CCDC154: variants seen among roughly 807,000 people sequenced by gnomAD.
CCDC154 encodes coiled-coil domain containing 154.
Under a neutral mutation model 87.5 loss-of-function variants are expected in CCDC154, and 91 were observed. That is an observed-to-expected ratio of 1.04 (90% CI 0.88 to 1.24). CCDC154 has a LOEUF of 1.24. CCDC154 is among the 50% of genes most tolerant of loss of function. The pLI, the probability that CCDC154 is intolerant of heterozygous loss-of-function variation, is 0.00. For missense variants in CCDC154, 903 were observed against 879.2 expected (o/e 1.03, Z -0.34); for synonymous variants, 418 against 400.4 (o/e 1.04, Z -0.52).
At chr16:1,439,187 C>T in intron 6 of CCDC154, 61 bp from the exon 7 acceptor site, 3 of 1,419,744 alleles carry the variant, frequency 2.1e-6, no homozygotes, top group Non-Finnish European at 2.9e-6. Flanking sequence ...CGGTCCCCCT[C>T]CTGCCCATGG....
At chr16:1,442,168 A>G (rs1020963056) in intron 6 of CCDC154, among the ~76,000 whole-genome samples, 2 of 152,002 alleles carry the variant, frequency 1.3e-5, no homozygotes, top group East Asian at 3.9e-4. Context: ...TGCCCGCCTC[A>G]GCCTCCCAAA....
chr16:1,438,453 C>T, intron 9 of CCDC154, 166 bp downstream of exon 9: 1 of 751,974 alleles, frequency 1.3e-6, no homozygotes, highest in Non-Finnish European at 2.1e-6. Flanking sequence ...GGAGGCCCCA[C>T]AGGAGGGAGG....
At chr16:1,435,054 A>T (rs1596202142) in intron 15 of CCDC154, 35 bp downstream of exon 15, 2 of 1,536,814 alleles carry the variant, frequency 1.3e-6, no homozygotes, top group East Asian at 4.9e-5. Context: ...AGCGGGTGGG[A>T]GCTGGGCGGT....
At position 1,436,379 on chromosome 16, in the gene CCDC154, G is replaced by C; in HGVS notation, c.1487+66C>G. ...CAGGGGATTGTGGAGAGTAGCGTGG[G>C]GACCGGCCCAGCCCAGTAACGGTCA... On this transcript the variant is annotated intron_variant, in intron 13 of 16. Coordinates refer to ENST00000389176, the MANE Select transcript of CCDC154 (RefSeq NM_001143980.3). 3 of 1,325,186 alleles carry C rather than the reference G, an allele frequency of 2.3e-6. No individual in the cohort carries two copies. The South Asian group carries it at 3.8e-5, about 17-fold the overall frequency. 82.1% of individuals were successfully genotyped at this position (1,325,186 alleles called of 1,614,324 possible). A position where few individuals can be genotyped will look rare whatever the true frequency, so the allele number is the denominator to read the frequency against.
intron 1 of CCDC154, 103 bp downstream of exon 1, chr16:1,444,213 G>T: frequency 8.3e-7 from 1 of 1,210,792 alleles, no homozygotes; most frequent in Non-Finnish European, 1.1e-6. Context: ...TGGGCGGCAG[G>T]AACAAGCGAG....
intron 1 of CCDC154, 42 bp from the exon 2 acceptor site, chr16:1,444,054 C>A (rs2038586621): frequency 2.4e-6 from 3 of 1,273,788 alleles, no homozygotes; most frequent in Middle Eastern, 4.3e-4. Context: ...TGGGGCCCGG[C>A]CCCCACTGGA....
At chr16:1,441,195 A>G (rs2038549260) in intron 6 of CCDC154, among the ~76,000 whole-genome samples, 1 of 152,196 alleles carries the variant, frequency 6.6e-6, no homozygotes, top group Non-Finnish European at 1.5e-5. Flanking sequence ...ACTCAGGGAA[A>G]GGCAGACGCC....
Position 1,439,042 on chromosome 16 carries a change from A to G in CCDC154, c.760T>C (p.Phe254Leu). 2 of 1,550,232 alleles carry G rather than the reference A, an allele frequency of 1.3e-6. No individual in the cohort carries two copies. Among genetic ancestry groups the G allele is most frequent in the Non-Finnish European group, 8.7e-7 (1 of 1,146,894 alleles). ...AKLCGFLQKS[F>L]LALEKRMKAS... ...GCTCCCACCTTCTCCAGGGCCAGGA[A>G]GCTCTTCTGCAGGAAGCCGCACAGC... is the stretch of plus-strand genomic sequence containing the variant. The change falls in exon 7 of 17, where the codon TTC becomes CTC. Residue 254 changes from phenylalanine (F) to leucine (L), a missense_variant. Physicochemically the swap from Phe to Leu is conservative, Grantham distance 22. Transcript: ENST00000389176.
intron 6 of CCDC154, 126 bp downstream of exon 6, chr16:1,442,280 T>G (rs1298520086): frequency 6.2e-6 from 7 of 1,125,868 alleles, no homozygotes; most frequent in Non-Finnish European, 8.6e-6. Context: ...TCTACAACTA[T>G]AGCTGATTTC....
chr16:1,438,772 C>T lies in CCDC154; in HGVS notation c.907-35G>A, dbSNP rs1036928502. Reference sequence around the variant, plus strand: ...GGTGGAGGCCGCCCTGAGACCTGCACCCCGGCCCCGGCCCCACCTGCCCGC... The same window carrying T: ...GGTGGAGGCCGCCCTGAGACCTGCATCCCGGCCCCGGCCCCACCTGCCCGC... On this transcript the variant is annotated intron_variant, in intron 8 of 16. Transcript: ENST00000389176. The T allele has an allele frequency of 5.2e-6, 8 of 1,542,728 alleles. No individual in the cohort carries two copies. The Admixed American group carries it at 9.9e-5, about 19-fold the overall frequency.
At chr16:1,440,500 G>GAAGAGAAGAGAAGAGAACAGAA (rs1567258639) in intron 6 of CCDC154, among the ~76,000 whole-genome samples, 4,605 of 146,886 alleles carry the variant, frequency 0.031, 108 homozygotes, top group African/African-American at 0.046. Flanking sequence ...ACAGAAAAGA[G>GAAGAGAAGAGAAGAGAACAGAA]AAGAGAAGAG....
At chr16:1,444,139 C>T (rs2038587776) in intron 1 of CCDC154, 127 bp from the exon 2 acceptor site, 2 of 999,926 alleles carry the variant, frequency 2.0e-6, no homozygotes, top group Admixed American at 2.7e-5. Flanking sequence ...CTCCTTGGGT[C>T]ACACAGGATC....
In CCDC154 at chr16:1,439,037, CAG is replaced by C. The variant is rs1477815276; in HGVS notation, c.763_764del (p.Leu255GlyfsTer47). The C allele has an allele frequency of 6.5e-7, 1 of 1,550,238 alleles. No individual in the cohort carries two copies. Among genetic ancestry groups the C allele is most frequent in the South Asian group, 1.2e-5 (1 of 84,058 alleles). ...KLCGFLQKSFLALEKRMKASE... is the reference protein window; with the variant it reads ...KLCGFLQKSFXALEKRMKASE... ...GGCAGGCTCCCACCTTCTCCAGGGC[CAG>C]GAAGCTCTTCTGCAGGAAGCCGCAC... On this transcript the variant is annotated frameshift_variant, in exon 7 of 17. Transcript: ENST00000389176. LOFTEE classifies it high-confidence loss of function.
In CCDC154 at chr16:1,442,523, G is replaced by C; in HGVS notation, c.558C>G (p.Ala186=). ...CCTGCTGCAGCAAGTCGGTCAGCTT[G>C]GCCAGTCTAGAGAAGTCGGCTGTGG... ...GAEQEAGLRL[A]KLTDLLQQEE... The change falls in exon 6 of 17, where the codon GCC becomes GCG. Residue 186 remains alanine, a synonymous_variant. Coordinates refer to ENST00000389176, the MANE Select transcript of CCDC154 (RefSeq NM_001143980.3). The C allele has an allele frequency of 1.3e-6, 2 of 1,544,006 alleles. No homozygotes were observed. The highest frequency in any genetic ancestry group is 1.7e-6 in the Non-Finnish European group (2 of 1,143,832).
intron 11 of CCDC154, 45 bp from the exon 12 acceptor site, chr16:1,436,856 G>T (rs1254423333): frequency 3.2e-6 from 5 of 1,547,178 alleles, no homozygotes; most frequent in Non-Finnish European, 4.4e-6. Flanking sequence ...AGAGAGGGGG[G>T]ACAGACAGAT....
chr16:1,437,223 C>A (rs549521382), intron 11 of CCDC154: 18 of 210,582 alleles, frequency 8.5e-5, no homozygotes, highest in African/African-American at 3.3e-4. Flanking sequence ...CACGAGGCCC[C>A]GAGGAGCGGG....
intron 15 of CCDC154, 100 bp downstream of exon 15, chr16:1,434,989 C>T (rs2038487851): frequency 6.3e-6 from 9 of 1,427,422 alleles, no homozygotes; most frequent in Non-Finnish European, 6.6e-6. Flanking sequence ...GACACTTGGA[C>T]AGACAGACAC....
chr16:1,437,628 G>A (rs368490146), intron 11 of CCDC154, 189 bp downstream of exon 11: 18 of 656,854 alleles, frequency 2.7e-5, no homozygotes, highest in Middle Eastern at 4.4e-4. Flanking sequence ...GCTGCTCAGC[G>A]GCTGTCCTGC....
In CCDC154 at chr16:1,439,008, C is replaced by T. The variant is rs773930484; in HGVS notation, c.777+17G>A. 4.1e-5 allele frequency: 64 copies of T among 1,549,974 alleles called. No individual in the cohort carries two copies. Among genetic ancestry groups the T allele is most frequent in the African/African-American group, 3.0e-4 (22 of 73,046 alleles). ...GGGAAGGGGGGCAGGGCAGGCCAGC[C>T]GCGGGCAGGCTCCCACCTTCTCCAG... On this transcript the variant is annotated intron_variant, in intron 7 of 16. Coordinates refer to ENST00000389176, the MANE Select transcript of CCDC154 (RefSeq NM_001143980.3).
Sources: allele counts gnomAD v4.1 joint callset (sites outside exome capture counted in the v4.1 genomes callset), GRCh38; gene constraint gnomAD v4.1.1; transcripts MANE v1.5; gene names NCBI Gene and HGNC (gene_info 2026-07-23, HGNC 2026-07-21).